The following NCKAP5 variants were observed in gnomAD, a reference collection of about 807,000 sequenced individuals.
NCKAP5 encodes the protein NCK associated protein 5, also known as nck-associated protein 5.
In NCKAP5, 92 loss-of-function variants were observed where a neutral mutation model predicts 167.0. The ratio of observed to expected loss-of-function variants is 0.55; its 90% CI spans 0.47 to 0.66. NCKAP5 has a LOEUF of 0.66. NCKAP5 is among the 30% of genes least tolerant of loss of function. NCKAP5 has a pLI of 0.00. For missense variants in NCKAP5, 2,378 were observed against 2,315.0 expected, an observed-to-expected ratio of 1.03 and a Z score of -0.56; for synonymous variants, 891 against 877.4, an observed-to-expected ratio of 1.02 and a Z score of -0.27.
At chr2:133,515,397 A>AT (rs1039881840) in intron 3 of NCKAP5, among the ~76,000 whole-genome samples, 1 of 152,128 alleles carries the variant, frequency 6.6e-6, no homozygotes, top group Non-Finnish European at 1.5e-5. Flanking sequence ...CTTTTTCAGA[A>AT]TTTTCCCAAT....
intron 8 of NCKAP5, among the ~76,000 whole-genome samples, chr2:132,963,434 T>G (rs1478670684): frequency 2.0e-5 from 3 of 152,162 alleles, no homozygotes; most frequent in Admixed American, 1.3e-4. Context: ...CATAGCCTCT[T>G]CCCCCAAGGA....
the NCKAP5 span, among the ~76,000 whole-genome samples, chr2:133,627,164 T>C: frequency 6.6e-6 from 1 of 151,992 alleles, no homozygotes; most frequent in African/African-American, 2.4e-5. Flanking sequence ...CCATGATAGA[T>C]TAATGGTTAA....
chr2:132,760,963 A>G (rs1036687583), intron 16 of NCKAP5, among the ~76,000 whole-genome samples: 3 of 152,198 alleles, frequency 2.0e-5, no homozygotes, highest in African/African-American at 7.2e-5. Context: ...ATGGGACACA[A>G]AAAGAGTGAA....
chr2:132,997,653 T>A (rs1349570482), intron 6 of NCKAP5, among the ~76,000 whole-genome samples: 2 of 152,090 alleles, frequency 1.3e-5, no homozygotes, highest in Non-Finnish European at 2.9e-5. Context: ...CTACTTGACC[T>A]TATTGGTATT....
the NCKAP5 span, among the ~76,000 whole-genome samples, chr2:133,652,490 T>C: frequency 6.6e-6 from 1 of 152,214 alleles, no homozygotes; most frequent in Non-Finnish European, 1.5e-5. Flanking sequence ...GGAGAATTCA[T>C]CCATTAAAAG....
At chr2:133,157,294 A>T (rs1055268610) in intron 5 of NCKAP5, among the ~76,000 whole-genome samples, 1 of 152,216 alleles carries the variant, frequency 6.6e-6, no homozygotes. Context: ...GGAACAGTGC[A>T]ATAATAAGCA....
At chr2:133,420,553 A>T (rs905803640) in intron 3 of NCKAP5, among the ~76,000 whole-genome samples, 2 of 152,214 alleles carry the variant, frequency 1.3e-5, no homozygotes, top group African/African-American at 4.8e-5. Flanking sequence ...CACAACTCTG[A>T]GAATAGTACA....
At chr2:133,073,482 C>A (rs2080491266) in intron 6 of NCKAP5, among the ~76,000 whole-genome samples, 1 of 152,148 alleles carries the variant, frequency 6.6e-6, no homozygotes, top group Non-Finnish European at 1.5e-5. Flanking sequence ...TAGTGCCAGG[C>A]TGGCACACAT....
intron 19 of NCKAP5, among the ~76,000 whole-genome samples, chr2:132,674,183 C>T (rs747940514): frequency 6.6e-5 from 10 of 152,174 alleles, no homozygotes; most frequent in Middle Eastern, 3.2e-3. Flanking sequence ...GAAATTCCAT[C>T]CAAACACAGG....
At chr2:133,531,170 GAGGA>G (rs1218378466) in intron 2 of NCKAP5, among the ~76,000 whole-genome samples, 5 of 151,930 alleles carry the variant, frequency 3.3e-5, no homozygotes, top group African/African-American at 9.7e-5. Flanking sequence ...GAAAGGGAAT[GAGGA>G]AGGAAGGAAG....
chr2:132,963,810 C>T lies in NCKAP5; in HGVS notation c.489G>A (p.Val163=). ...TTTCACTCCTCGAATCCTCATCAAC[C>T]ACCATGTGAAGATCTTCCAAAGCTT... ...HKEALEDLHM[V]VDEDSRSESS... The change falls in exon 8 of 20, where the codon GTG becomes GTA. Residue 163 remains valine, a synonymous_variant. Coordinates refer to ENST00000409261, the MANE Select transcript of NCKAP5 (RefSeq NM_207363.3). The T allele has an allele frequency of 6.2e-7, 1 of 1,613,916 alleles. No homozygotes were observed. Among genetic ancestry groups the T allele is most frequent in the Non-Finnish European group, 8.5e-7 (1 of 1,179,854 alleles).
the NCKAP5 span, among the ~76,000 whole-genome samples, chr2:133,664,245 A>G: frequency 6.6e-6 from 1 of 152,156 alleles, no homozygotes; most frequent in South Asian, 2.1e-4. Context: ...TGTCATTCAG[A>G]CTTCATTATT....
chr2:132,755,739 G>A (rs1175960757), intron 16 of NCKAP5, among the ~76,000 whole-genome samples: 1 of 151,654 alleles, frequency 6.6e-6, no homozygotes, highest in Non-Finnish European at 1.5e-5. Context: ...TAAGGCAGGA[G>A]AATCGCTTGA....
At chr2:132,946,460 T>A (rs146373437) in intron 8 of NCKAP5, among the ~76,000 whole-genome samples, 1 of 152,194 alleles carries the variant, frequency 6.6e-6, no homozygotes, top group South Asian at 2.1e-4. Flanking sequence ...AAACTATTTA[T>A]CTTTCTAATA....
intron 7 of NCKAP5, among the ~76,000 whole-genome samples, chr2:132,972,979 CTTG>C (rs1358119581): frequency 6.6e-6 from 1 of 151,956 alleles, no homozygotes; most frequent in Non-Finnish European, 1.5e-5. Flanking sequence ...AAAGTGGCAA[CTTG>C]TTGTCACAAT....
intron 6 of NCKAP5, chr2:133,117,645 A>C (rs1340078344): frequency 6.6e-6 from 1 of 152,232 alleles, no homozygotes; most frequent in East Asian, 1.9e-4. Flanking sequence ...TAGACTTGTA[A>C]GTGTTCTATG....
At chr2:133,667,932 T>C in the NCKAP5 span, among the ~76,000 whole-genome samples, 1 of 152,036 alleles carries the variant, frequency 6.6e-6, no homozygotes, top group Non-Finnish European at 1.5e-5. Flanking sequence ...CCATTACCAG[T>C]TACTTCCCAG....
At chr2:132,727,401 T>C (rs1690566258) in intron 18 of NCKAP5, among the ~76,000 whole-genome samples, 1 of 152,192 alleles carries the variant, frequency 6.6e-6, no homozygotes, top group South Asian at 2.1e-4. Context: ...ACAGAGTCCT[T>C]TGGAACAGTG....
chr2:132,854,331 G>A (rs1689299153), intron 11 of NCKAP5, among the ~76,000 whole-genome samples: 1 of 152,138 alleles, frequency 6.6e-6, no homozygotes, highest in South Asian at 2.1e-4. Flanking sequence ...GAAGAGCAAA[G>A]GTATGCAAAA....
Sources: allele counts gnomAD v4.1 joint callset (sites outside exome capture counted in the v4.1 genomes callset), GRCh38; gene constraint gnomAD v4.1.1; transcripts MANE v1.5; gene names NCBI Gene and HGNC (gene_info 2026-07-23, HGNC 2026-07-21).